The following GPR39 variants were observed in gnomAD, a reference collection of about 807,000 sequenced individuals.
GPR39 encodes the protein zinc sensing receptor.
A neutral mutation model predicts 18.4 loss-of-function variants in GPR39; 23 were observed. That is an observed-to-expected ratio of 1.25 (90% CI 0.90 to 1.77). The LOEUF (loss-of-function observed/expected upper bound fraction) is 1.77. GPR39 is among the 40% of genes most tolerant of loss of function. The pLI is 0.00. For missense variants in GPR39, 647 were observed against 602.4 expected, an observed-to-expected ratio of 1.07 and a Z score of -0.78; for synonymous variants, 280 against 257.9, an observed-to-expected ratio of 1.09 and a Z score of -0.82.
At chr2:132,525,391 G>A (rs1679489565) in intron 1 of GPR39, among the ~76,000 whole-genome samples, 1 of 152,184 alleles carries the variant, frequency 6.6e-6, no homozygotes, top group African/African-American at 2.4e-5. Flanking sequence ...ATGATCATGC[G>A]AGGGATTTTA....
chr2:132,555,385 G>A lies in GPR39; in HGVS notation c.857-89716G>A, dbSNP rs190281239. Among the ~76,000 whole-genome samples the A allele has an allele frequency of 6.1e-4, 93 of 152,286 alleles. 1 individual carries two copies. The highest frequency in any genetic ancestry group is 5.8e-3 in the Admixed American group (89 of 15,296). ...GGCCTGCTGTGTTTCAGGGTCTTTC[G>A]TGAGGTTGCAGTCAGAAGTCAGTGT... is the stretch of plus-strand genomic sequence containing the variant. On this transcript the variant is annotated intron_variant, in intron 1 of 1. Transcript: ENST00000329321.
intron 1 of GPR39, among the ~76,000 whole-genome samples, chr2:132,630,235 G>A (rs1419908089): frequency 6.6e-6 from 1 of 152,180 alleles, no homozygotes; most frequent in Non-Finnish European, 1.5e-5. Flanking sequence ...CAGCCAAGAA[G>A]TATGAGGGCA....
intron 1 of GPR39, among the ~76,000 whole-genome samples, chr2:132,569,113 G>A (rs113362313): frequency 2.8e-4 from 43 of 152,188 alleles, no homozygotes; most frequent in Non-Finnish European, 5.9e-4. Context: ...TACCTGGCAC[G>A]TTGTAACTTC....
intron 1 of GPR39, among the ~76,000 whole-genome samples, chr2:132,546,230 C>G (rs1289693795): frequency 1.3e-5 from 2 of 152,166 alleles, no homozygotes; most frequent in Non-Finnish European, 2.9e-5. Flanking sequence ...CGGGTCCCCA[C>G]TCTAGAGTTG....
intron 1 of GPR39, among the ~76,000 whole-genome samples, chr2:132,442,451 G>A (rs148053843): frequency 0.01 from 1,557 of 152,162 alleles, 29 homozygotes; most frequent in African/African-American, 0.036. Context: ...CTAAATGTCC[G>A]CTCCCTGACC....
chr2:132,427,177 T>A (rs2104756476), intron 1 of GPR39, among the ~76,000 whole-genome samples: 1 of 128,654 alleles, frequency 7.8e-6, no homozygotes, highest in South Asian at 2.5e-4. Context: ...AAATTTTTTT[T>A]TTTTTGAGAC....
At chr2:132,499,023 C>A (rs1354121840) in intron 1 of GPR39, among the ~76,000 whole-genome samples, 1 of 152,146 alleles carries the variant, frequency 6.6e-6, no homozygotes, top group Non-Finnish European at 1.5e-5. Context: ...GTTAACTCTG[C>A]TGCTTATTTC....
intron 1 of GPR39, among the ~76,000 whole-genome samples, chr2:132,547,457 T>C (rs1679970538): frequency 6.6e-6 from 1 of 152,220 alleles, no homozygotes; most frequent in Non-Finnish European, 1.5e-5. Context: ...TCACACCTTT[T>C]ATTTTTCTCA....
intron 1 of GPR39, among the ~76,000 whole-genome samples, chr2:132,439,004 G>A (rs1680384799): frequency 1.3e-5 from 2 of 152,182 alleles, no homozygotes; most frequent in South Asian, 4.1e-4. Context: ...AAAATGCTAG[G>A]CTGGAGCCCT....
intron 1 of GPR39, among the ~76,000 whole-genome samples, chr2:132,558,761 A>G (rs1023712177): frequency 1.3e-5 from 2 of 152,332 alleles, no homozygotes; most frequent in East Asian, 3.9e-4. Flanking sequence ...GTGACCAGCC[A>G]TGAATCCCAG....
chr2:132,522,352 G>A (rs1237161869), intron 1 of GPR39, among the ~76,000 whole-genome samples: 2 of 152,144 alleles, frequency 1.3e-5, no homozygotes, highest in Non-Finnish European at 2.9e-5. Context: ...CCTCCCTACA[G>A]CCCCCTTGAG....
chr2:132,456,629 T>C (rs1324881255), intron 1 of GPR39, among the ~76,000 whole-genome samples: 1 of 152,224 alleles, frequency 6.6e-6, no homozygotes, highest in East Asian at 1.9e-4. Flanking sequence ...GTTGTTTCTT[T>C]CCATGTTTAG....
chr2:132,468,300 G>T (rs1417108850), intron 1 of GPR39, among the ~76,000 whole-genome samples: 3 of 152,196 alleles, frequency 2.0e-5, no homozygotes, highest in Non-Finnish European at 4.4e-5. Context: ...CAACTATACT[G>T]CAGATAGAAT....
At chr2:132,559,440 G>A (rs1417363487) in intron 1 of GPR39, among the ~76,000 whole-genome samples, 1 of 152,106 alleles carries the variant, frequency 6.6e-6, no homozygotes, top group Non-Finnish European at 1.5e-5. Context: ...AGGACGTAGA[G>A]CTGGAAATCA....
chr2:132,533,396 A>T (rs974751998), intron 1 of GPR39, among the ~76,000 whole-genome samples: 2 of 145,038 alleles, frequency 1.4e-5, no homozygotes, highest in Admixed American at 1.4e-4. Context: ...GGAAGAATCA[A>T]TATCGTGAAA....
chr2:132,631,824 C>CTTT (rs796381645), intron 1 of GPR39, among the ~76,000 whole-genome samples: 14 of 141,860 alleles, frequency 9.9e-5, no homozygotes, highest in Admixed American at 1.4e-4. Flanking sequence ...TCTTCTTCTT[C>CTTT]TTTTTTTTTT....
At chr2:132,627,756 G>A (rs371309183) in intron 1 of GPR39, among the ~76,000 whole-genome samples, 72 of 152,242 alleles carry the variant, frequency 4.7e-4, no homozygotes, top group South Asian at 3.5e-3. Flanking sequence ...AAGGAGCCTC[G>A]GCCGTGGGGG....
chr2:132,550,384 C>T (rs892637894), intron 1 of GPR39, among the ~76,000 whole-genome samples: 34 of 152,212 alleles, frequency 2.2e-4, no homozygotes, highest in Non-Finnish European at 1.5e-4. Flanking sequence ...CGCGATACAA[C>T]GGAGGTACTT....
intron 1 of GPR39, among the ~76,000 whole-genome samples, chr2:132,612,086 T>A (rs1169264037): frequency 9.7e-6 from 1 of 103,606 alleles, no homozygotes; most frequent in East Asian, 2.3e-4. Flanking sequence ...TGCCCTGAAC[T>A]GAGTTTTCTA....
Sources: allele counts gnomAD v4.1 joint callset (sites outside exome capture counted in the v4.1 genomes callset), GRCh38; gene constraint gnomAD v4.1.1; transcripts MANE v1.5; gene names NCBI Gene and HGNC (gene_info 2026-07-23, HGNC 2026-07-21).